Variants in PDE2A observed in about 807,000 individuals in gnomAD.
The protein encoded by PDE2A is phosphodiesterase 2A.
A neutral mutation model predicts 133.6 loss-of-function variants in PDE2A; 53 were observed. The ratio of observed to expected loss-of-function variants is 0.40; its 90% confidence interval spans 0.32 to 0.50. The LOEUF is 0.50. Ranked by LOEUF, PDE2A falls within the 20% of genes least tolerant of loss-of-function variation. The pLI is 0.73. For synonymous variants in PDE2A, 491 were observed against 490.2 expected (o/e 1.00, Z -0.02); for missense variants, 796 against 1,232.4 (o/e 0.65, Z 5.30).
At chr11:72,577,707 T>G in intron 30 of PDE2A, 113 bp from the exon 31 acceptor site, 5 of 741,832 alleles carry the variant, frequency 6.7e-6, no homozygotes, top group Non-Finnish European at 1.2e-5. Context: ...GTACGGTAGC[T>G]CACGCCTGTA....
chr11:72,644,945 T>A (rs554200287), intron 1 of PDE2A, among the ~76,000 whole-genome samples: 55 of 152,204 alleles, frequency 3.6e-4, no homozygotes, highest in African/African-American at 1.3e-3. Context: ...TTAGTACAGA[T>A]GGGATTTCGC....
At chr11:72,609,997 G>T (rs577332863) in intron 2 of PDE2A, among the ~76,000 whole-genome samples, 1 of 152,124 alleles carries the variant, frequency 6.6e-6, no homozygotes, top group South Asian at 2.1e-4. Context: ...CACTTTTATA[G>T]TCTAGTTAGA....
chr11:72,640,506 C>T (rs1384831171), intron 2 of PDE2A, among the ~76,000 whole-genome samples: 4 of 152,122 alleles, frequency 2.6e-5, no homozygotes, highest in Non-Finnish European at 4.4e-5. Flanking sequence ...TCCAGAATCG[C>T]GGGAGCAGCC....
At position 72,578,521 on chromosome 11, in the gene PDE2A, G is replaced by A; in HGVS notation, c.2470-7C>T. 6.2e-7 allele frequency: 1 copy of A among 1,610,750 alleles called. No individual in the cohort carries two copies. Among genetic ancestry groups the A allele is most frequent in the Non-Finnish European group, 8.5e-7 (1 of 1,176,902 alleles). The stretch of plus-strand genomic sequence containing the variant: ...ATTCTTTGTAGATCAGCTCCTGAAA[G>A]GCCAACACTCTCATCACATCCTCTA... On this transcript the variant is annotated splice_region_variant and splice_polypyrimidine_tract_variant and intron_variant, in intron 28 of 30. Transcript: ENST00000334456. The surrounding 1 kb of genome is among the most constrained non-coding windows in gnomAD (Gnocchi z 4.2).
rs377195380 is a variant in PDE2A at position 72,579,274 on chromosome 11, C to T, written c.2356+10G>A. 17 of 1,594,528 alleles carry T rather than the reference C, an allele frequency of 1.1e-5. 1 individual carries two copies. The highest frequency in any genetic ancestry group is 5.4e-5 in the African/African-American group (4 of 74,616). On this transcript the variant is annotated intron_variant, in intron 27 of 30. Coordinates refer to ENST00000334456, the MANE Select transcript of PDE2A (RefSeq NM_002599.5). ...CCCCAGCCCCAAGGACTGGGGCTAA[C>T]AGCAGTCACCCTCAGCCATCTTCTG...
chr11:72,598,991 TC>T, intron 4 of PDE2A: 1 of 985,340 alleles, frequency 1.0e-6, no homozygotes, highest in East Asian at 1.1e-4. Flanking sequence ...GAGCCACGTT[TC>T]CTGATGATTA....
At chr11:72,654,514 G>C (rs2135451505) in intron 1 of PDE2A, among the ~76,000 whole-genome samples, 1 of 152,268 alleles carries the variant, frequency 6.6e-6, no homozygotes, top group South Asian at 2.1e-4. Flanking sequence ...CCCTCCCAGA[G>C]GGAGAGTGTG....
intron 2 of PDE2A, among the ~76,000 whole-genome samples, chr11:72,641,637 G>C (rs181226278): frequency 6.6e-6 from 1 of 152,154 alleles, no homozygotes; most frequent in African/African-American, 2.4e-5. Context: ...GGAAAGACTC[G>C]GAGATCTCCA....
At chr11:72,613,589 G>A (rs927499161) in intron 2 of PDE2A, among the ~76,000 whole-genome samples, 3 of 151,550 alleles carry the variant, frequency 2.0e-5, no homozygotes, top group African/African-American at 7.3e-5. Context: ...CCACCTCCGC[G>A]TCCTCTCTTC....
intron 19 of PDE2A, 34 bp downstream of exon 19, chr11:72,584,167 T>TAACCCCA: frequency 5.4e-6 from 3 of 554,888 alleles, no homozygotes; most frequent in Non-Finnish European, 6.8e-6. Context: ...CCGCCCCCTA[T>TAACCCCA]CACCCCACAC....
intron 1 of PDE2A, chr11:72,668,252 A>C (rs1855294413): frequency 1.4e-6 from 1 of 717,592 alleles, no homozygotes. Flanking sequence ...GGAGCTCTGG[A>C]AGCAGACAGA....
At chr11:72,619,763 AC>A (rs1485466134) in intron 2 of PDE2A, among the ~76,000 whole-genome samples, 1 of 151,740 alleles carries the variant, frequency 6.6e-6, no homozygotes, top group Non-Finnish European at 1.5e-5. Flanking sequence ...TCCTCTGCGC[AC>A]CCCTGTCACT....
chr11:72,636,126 A>G, intron 2 of PDE2A: 2 of 1,218,844 alleles, frequency 1.6e-6, no homozygotes, highest in Non-Finnish European at 2.1e-6. Flanking sequence ...GCCACCAGCC[A>G]GAGTACAGGC....
At chr11:72,653,225 G>A (rs570381444) in intron 1 of PDE2A, among the ~76,000 whole-genome samples, 3 of 152,192 alleles carry the variant, frequency 2.0e-5, no homozygotes, top group East Asian at 3.9e-4. Flanking sequence ...CTGGGCTCTC[G>A]AGGGGAAGAA....
At chr11:72,652,077 T>G (rs1449502287) in intron 1 of PDE2A, among the ~76,000 whole-genome samples, 1 of 152,154 alleles carries the variant, frequency 6.6e-6, no homozygotes, top group Non-Finnish European at 1.5e-5. Flanking sequence ...AAGGAACCAG[T>G]GGGAGCCCCT....
rs562575108 is a variant in PDE2A, at chr11:72,584,352, G to C, written c.1538-39C>G. The C allele has an allele frequency of 2.1e-6, 3 of 1,406,140 alleles. No individual in the cohort carries two copies. The Admixed American group carries it at 5.1e-5, about 24-fold the overall frequency. The allele number at this position is 1,406,140 out of a possible 1,614,324, so 87.1% of individuals were successfully genotyped here. A position where few individuals can be genotyped will look rare whatever the true frequency, so the allele number is the denominator to read the frequency against. ...AGGGGCAAGGAACCACCGGTGGAGG[G>C]AGGGATCGGTTGGAGGGAGGGATCC... On this transcript the variant is annotated intron_variant, in intron 18 of 30. Coordinates refer to ENST00000334456, the MANE Select transcript of PDE2A (RefSeq NM_002599.5).
At chr11:72,584,094 C>T in intron 19 of PDE2A, 107 bp downstream of exon 19, 1 of 669,820 alleles carries the variant, frequency 1.5e-6, no homozygotes, top group Non-Finnish European at 2.6e-6. Context: ...GAGTGCCAGA[C>T]CAAGGGATCA....
chr11:72,590,035 C>G lies in PDE2A; in HGVS notation c.757-54G>C, dbSNP rs1374725358. On this transcript the variant is annotated intron_variant, in intron 9 of 30. Coordinates refer to ENST00000334456, the MANE Select transcript of PDE2A (RefSeq NM_002599.5). The surrounding 1 kb of genome is among the most constrained non-coding windows in gnomAD (Gnocchi z 4.8). ...GTGACCGCGGATCCGGGTCACCCCA[C>G]TCCCCACCTGCTCCCCTCTCCGGGG... 1 of 1,494,244 alleles carries G rather than the reference C, an allele frequency of 6.7e-7. No individual in the cohort carries two copies. Among genetic ancestry groups the G allele is most frequent in the Non-Finnish European group, 9.2e-7 (1 of 1,091,162 alleles). 92.6% of individuals were successfully genotyped at this position (1,494,244 alleles called of 1,614,324 possible).
At chr11:72,598,749 C>T in intron 4 of PDE2A, 1 of 1,235,834 alleles carries the variant, frequency 8.1e-7, no homozygotes, top group Admixed American at 2.7e-5. Flanking sequence ...AATCGAGGAC[C>T]AAAGAGGTTG....
Sources: gnomAD v4.1 joint callset for allele counts (sites outside exome capture counted in the v4.1 genomes callset) on GRCh38, gnomAD v4.1.1 for gene constraint, Gnocchi (gnomAD v3.1) non-coding constraint, MANE v1.5 for transcripts, NCBI Gene and HGNC (gene_info 2026-07-23, HGNC 2026-07-21) for gene names.